Variants in GNAL observed in about 807,000 individuals in gnomAD.
GNAL encodes the protein G protein subunit alpha L.
In GNAL, 18 loss-of-function variants were observed where a neutral mutation model predicts 55.1. The observed-to-expected ratio is 0.33, with a 90% CI of 0.23 to 0.48. The LOEUF (loss-of-function observed/expected upper bound fraction) is 0.48, where lower values mean the gene tolerates loss of function less well. Ranked by LOEUF, GNAL falls within the 20% of genes least tolerant of loss-of-function variation. The pLI is 0.99. For synonymous variants in GNAL, 253 were observed against 237.0 expected (o/e 1.07, Z -0.62); for missense variants, 412 against 614.1 (o/e 0.67, Z 3.48).
chr18:11,794,873 C>A lies in GNAL; in HGVS notation c.625-30045C>A, dbSNP rs940299972. 3.3e-5 allele frequency among the ~76,000 whole-genome samples: 5 copies of A among 151,692 alleles called. No individual in the cohort carries two copies. The South Asian group carries it at 1.0e-3, about 32-fold the overall frequency. The stretch of plus-strand genomic sequence containing the variant: ...GTTTGTTGTTTTTGAGACAGAGTCT[C>A]GTTCTGTCACCCAGGCTGGAGTGCA... On this transcript the variant is annotated intron_variant, in intron 4 of 11. Transcript: ENST00000334049.
chr18:11,878,690 C>T (rs562330457), intron 11 of GNAL, among the ~76,000 whole-genome samples: 2 of 152,232 alleles, frequency 1.3e-5, no homozygotes, highest in South Asian at 2.1e-4. Context: ...CTGCCTCAGC[C>T]TCCTGAGTAG....
intron 1 of GNAL, among the ~76,000 whole-genome samples, chr18:11,697,490 G>A (rs917810525): frequency 3.3e-5 from 5 of 151,974 alleles, no homozygotes; most frequent in South Asian, 2.1e-4. Flanking sequence ...CCTGGGAGGC[G>A]GAGTTTGTAG....
intron 1 of GNAL, among the ~76,000 whole-genome samples, chr18:11,732,375 GT>G (rs1473911641): frequency 6.6e-6 from 1 of 152,212 alleles, no homozygotes; most frequent in African/African-American, 2.4e-5. Context: ...CCTAGTGGAT[GT>G]GAGATGTTAT....
intron 1 of GNAL, among the ~76,000 whole-genome samples, chr18:11,721,591 A>T (rs1183981185): frequency 1.3e-5 from 2 of 152,080 alleles, no homozygotes; most frequent in African/African-American, 4.8e-5. Flanking sequence ...CCCCGTCTCT[A>T]TTAAAAATAC....
At position 11,716,675 on chromosome 18, in the gene GNAL, A is replaced by G. The variant is rs2031973957; in HGVS notation, c.376+26736A>G. ...GATTAGCTAGATATAGAGTGTCCACACGAAGGTTCTCCAAGTACCCACCAG... is the reference window on the plus strand; with the variant it reads ...GATTAGCTAGATATAGAGTGTCCACGCGAAGGTTCTCCAAGTACCCACCAG... On this transcript the variant is annotated intron_variant, in intron 1 of 11. Coordinates refer to ENST00000334049, the MANE Select transcript of GNAL (RefSeq NM_182978.4). Among the ~76,000 whole-genome samples, 4 of 152,280 alleles carry G rather than the reference A, an allele frequency of 2.6e-5. No individual in the cohort carries two copies. The South Asian group carries it at 6.2e-4, about 24-fold the overall frequency.
intron 4 of GNAL, among the ~76,000 whole-genome samples, chr18:11,792,948 G>A (rs1335416099): frequency 1.3e-5 from 2 of 152,154 alleles, no homozygotes; most frequent in Admixed American, 6.5e-5. Flanking sequence ...AAAAGTTGTG[G>A]AAATTTGAGA....
In GNAL at chr18:11,751,763, GC is replaced by G. The variant is rs1348742111; in HGVS notation, c.377-1089del. 1.6e-6 allele frequency: 1 copy of G among 629,486 alleles called. No homozygotes were observed. Among genetic ancestry groups the G allele is most frequent in the Non-Finnish European group, 2.0e-6 (1 of 504,180 alleles). 39.0% of individuals were successfully genotyped at this position (629,486 alleles called of 1,614,324 possible). A position where few individuals can be genotyped will look rare whatever the true frequency, so the allele number is the denominator to read the frequency against. ...GGGTCAGCTCCCTGACCCCTACAGCGCGGTAGCGCCTCTCCGAGAGCTCCGG... is the reference window on the plus strand; with the variant it reads ...GGGTCAGCTCCCTGACCCCTACAGCGGGTAGCGCCTCTCCGAGAGCTCCGG... On this transcript the variant is annotated intron_variant, in intron 1 of 11. Transcript: ENST00000334049. The surrounding 1 kb of genome is among the most constrained non-coding windows in gnomAD (Gnocchi z 4.5).
chr18:11,879,618 T>C (rs572031921), intron 11 of GNAL, among the ~76,000 whole-genome samples: 2 of 152,250 alleles, frequency 1.3e-5, no homozygotes, highest in South Asian at 4.1e-4. Context: ...GTAAAGGCCT[T>C]ATCTCCAAAT....
intron 5 of GNAL, chr18:11,833,526 C>G (rs751941332): frequency 6.6e-6 from 1 of 152,166 alleles, no homozygotes; most frequent in Non-Finnish European, 1.5e-5. Context: ...CCTGAGACAT[C>G]CAGAAGAAAA....
At chr18:11,876,002 A>T (rs1598448675) in intron 10 of GNAL, among the ~76,000 whole-genome samples, 1 of 152,202 alleles carries the variant, frequency 6.6e-6, no homozygotes, top group Non-Finnish European at 1.5e-5. Context: ...CCATCCATGA[A>T]GGCGGAGCCC....
At chr18:11,753,491 T>A in intron 2 of GNAL, 137 bp from the exon 3 acceptor site, 2 of 593,592 alleles carry the variant, frequency 3.4e-6, no homozygotes, top group East Asian at 5.7e-5. Context: ...CCTTTGCGGA[T>A]GTCTTGGGGG....
At chr18:11,838,207 A>G (rs2035538690) in intron 5 of GNAL, among the ~76,000 whole-genome samples, 1 of 152,228 alleles carries the variant, frequency 6.6e-6, no homozygotes, top group Admixed American at 6.5e-5. Context: ...CACACGATAG[A>G]ATGTTATTCA....
intron 4 of GNAL, among the ~76,000 whole-genome samples, chr18:11,761,119 C>A (rs1050698035): frequency 3.3e-5 from 5 of 152,152 alleles, no homozygotes; most frequent in Non-Finnish European, 7.3e-5. Flanking sequence ...GCCCCCAGGT[C>A]CCGTGGTCTG....
chr18:11,788,908 A>ATATATATATATAT (rs372490535), intron 4 of GNAL, among the ~76,000 whole-genome samples: 99 of 73,172 alleles, frequency 1.4e-3, no homozygotes, highest in South Asian at 4.1e-3. Flanking sequence ...AAAAAAAAAA[A>ATATATATATATAT]AAAAAAATAT....
intron 4 of GNAL, among the ~76,000 whole-genome samples, chr18:11,779,655 A>G (rs2143342530): frequency 6.6e-6 from 1 of 152,256 alleles, no homozygotes; most frequent in Non-Finnish European, 1.5e-5. Context: ...GAATGGAAAG[A>G]TGGGAGTTAT....
chr18:11,699,276 C>T (rs1446075241), intron 1 of GNAL, among the ~76,000 whole-genome samples: 1 of 152,086 alleles, frequency 6.6e-6, no homozygotes, highest in East Asian at 1.9e-4. Context: ...CTCACTGCAA[C>T]TTCCACCTCC....
At chr18:11,759,278 T>C (rs915171940) in intron 4 of GNAL, among the ~76,000 whole-genome samples, 4 of 152,266 alleles carry the variant, frequency 2.6e-5, no homozygotes, top group Non-Finnish European at 5.9e-5. Context: ...TTGAATTCAA[T>C]TGAGTTATTC....
rs1461528651 is a variant in GNAL, at chr18:11,872,222, TG to T, written c.1032-45del. The T allele has an allele frequency of 3.1e-6, 4 of 1,308,206 alleles. No homozygotes were observed. The African/African-American group carries it at 6.1e-5, about 20-fold the overall frequency. 81.0% of individuals were successfully genotyped at this position (1,308,206 alleles called of 1,614,324 possible). On this transcript the variant is annotated intron_variant, in intron 9 of 11. Coordinates refer to ENST00000334049, the MANE Select transcript of GNAL (RefSeq NM_182978.4). ...AACTTCTATGTTAGAGGCACTTTCA[TG>T]TACTAGTGTATGTGAAATTTGTATG...
Position 11,806,310 on chromosome 18 carries a change from A to T in GNAL, c.625-18608A>T, listed in dbSNP as rs145112140. On this transcript the variant is annotated intron_variant, in intron 4 of 11. Coordinates refer to ENST00000334049, the MANE Select transcript of GNAL (RefSeq NM_182978.4). ...TGCAGGTTGTCTGTTCACTCTGCTG[A>T]TTATTTCTTTTGCTGTGCAGCAGCT... 3.2e-4 allele frequency among the ~76,000 whole-genome samples: 49 copies of T among 152,208 alleles called. 2 individuals are homozygous for T. The East Asian group carries it at 9.4e-3, about 29-fold the overall frequency.
Sources: gnomAD v4.1 joint callset for allele counts (sites outside exome capture counted in the v4.1 genomes callset) on GRCh38, gnomAD v4.1.1 for gene constraint, Gnocchi (gnomAD v3.1) non-coding constraint, MANE v1.5 for transcripts, NCBI Gene and HGNC (gene_info 2026-07-23, HGNC 2026-07-21) for gene names.